The following B9D1 variants were observed in gnomAD, a reference collection of about 807,000 sequenced individuals.
B9D1 encodes B9 domain containing 1, also known as B9 domain-containing protein 1.
B9D1 carries 20 observed loss-of-function variants against 26.1 expected under a neutral mutation model. The ratio of observed to expected loss-of-function variants is 0.77; its 90% confidence interval spans 0.54 to 1.12. The LOEUF (loss-of-function observed/expected upper bound fraction) is 1.12, where lower values mean the gene tolerates loss of function less well. Among genes scored for constraint, B9D1 ranks in the 50% most tolerant of loss-of-function variants. The probability of loss-of-function intolerance (pLI) is 0.00; values close to 1 mark genes in which losing one functional copy is unlikely to be tolerated. For synonymous variants in B9D1, 105 were observed against 103.1 expected, an observed-to-expected ratio of 1.02 and a Z score of -0.11; for missense variants, 260 against 273.7, an observed-to-expected ratio of 0.95 and a Z score of 0.35.
downstream of B9D1, among the ~76,000 whole-genome samples, chr17:19,339,892 GTCT>G (rs1907758476): frequency 6.6e-6 from 1 of 152,294 alleles, no homozygotes; most frequent in East Asian, 1.9e-4. Context: ...AGGAAATGTA[GTCT>G]TCTGGTGTGC....
At chr17:19,338,331 G>A (rs1907629241), downstream of B9D1, among the ~76,000 whole-genome samples, 2 of 152,340 alleles carry the variant, frequency 1.3e-5, no homozygotes, top group South Asian at 4.1e-4. Context: ...TGCAGCTCTT[G>A]GGCCAAGCTC....
chr17:19,337,314 G>A (rs1299562112), downstream of B9D1, among the ~76,000 whole-genome samples: 1 of 152,224 alleles, frequency 6.6e-6, no homozygotes, highest in East Asian at 1.9e-4. Context: ...GGGAGGACAC[G>A]TGCATCTCCA....
rs1048457473 is a variant in B9D1 at position 19,361,042 on chromosome 17, G to A, written c.64-654C>T. Among the ~76,000 whole-genome samples the A allele has an allele frequency of 6.2e-4, 95 of 152,088 alleles. 1 individual carries two copies. The highest frequency in any genetic ancestry group is 2.6e-4 in the Admixed American group (4 of 15,264). On this transcript the variant is annotated intron_variant, in intron 1 of 6. Transcript: ENST00000261499. Reference sequence around the variant, plus strand: ...TCAGTGGCGGCATTAGATTCTCATAGGAGCACGAACCCTACTGTGAACTGC... The same window carrying A: ...TCAGTGGCGGCATTAGATTCTCATAAGAGCACGAACCCTACTGTGAACTGC...
At chr17:19,348,138 C>T (rs1909109545) in intron 3 of B9D1, among the ~76,000 whole-genome samples, 1 of 152,112 alleles carries the variant, frequency 6.6e-6, no homozygotes, top group African/African-American at 2.4e-5. Flanking sequence ...GAGTCAGTGC[C>T]CACTCAGTCA....
chr17:19,343,610 C>T, intron 6 of B9D1, 149 bp from the exon 7 acceptor site: 2 of 1,571,914 alleles, frequency 1.3e-6, no homozygotes, highest in Non-Finnish European at 1.7e-6. Flanking sequence ...AAAGGGGCTG[C>T]CGGGACAGGC....
chr17:19,344,490 G>A (rs771854270), intron 5 of B9D1: 11 of 278,070 alleles, frequency 4.0e-5, no homozygotes, highest in Non-Finnish European at 5.9e-5. Flanking sequence ...CCAGGAGGCC[G>A]GGGGTGTCAG....
chr17:19,344,411 C>T (rs985817934), intron 5 of B9D1: 4 of 227,862 alleles, frequency 1.8e-5, no homozygotes, highest in South Asian at 1.3e-4. Flanking sequence ...CTGCCAGGGG[C>T]GGCACACAGC....
At chr17:19,361,506 G>C (rs920547499) in intron 1 of B9D1, among the ~76,000 whole-genome samples, 15 of 152,084 alleles carry the variant, frequency 9.9e-5, no homozygotes, top group African/African-American at 3.6e-4. Flanking sequence ...TGTGGCGGGG[G>C]GGTCGCTGAT....
chr17:19,357,343 C>A (rs1910482589), intron 3 of B9D1, among the ~76,000 whole-genome samples: 1 of 152,222 alleles, frequency 6.6e-6, no homozygotes, highest in Non-Finnish European at 1.5e-5. Context: ...TAAGCAATGC[C>A]AGCCAGGAAG....
upstream of B9D1, among the ~76,000 whole-genome samples, chr17:19,366,520 C>T (rs1391228213): frequency 6.6e-6 from 1 of 152,124 alleles, no homozygotes; most frequent in Non-Finnish European, 1.5e-5. Context: ...ACAGTGACCC[C>T]CCAGACCAGT....
downstream of B9D1, chr17:19,335,213 G>A: frequency 2.3e-6 from 1 of 439,366 alleles, no homozygotes; most frequent in South Asian, 7.5e-5. Flanking sequence ...CTAGCCTCCA[G>A]TTGCCTTTTC....
chr17:19,361,049 G>T (rs552735400), intron 1 of B9D1, among the ~76,000 whole-genome samples: 1 of 152,152 alleles, frequency 6.6e-6, no homozygotes, highest in South Asian at 2.1e-4. Flanking sequence ...ATAGGAGCAC[G>T]AACCCTACTG....
upstream of B9D1, among the ~76,000 whole-genome samples, chr17:19,366,024 G>A (rs1827615358): frequency 2.6e-5 from 4 of 151,784 alleles, no homozygotes; most frequent in Non-Finnish European, 5.9e-5. Context: ...GAACTCCTAT[G>A]TAGCCTTCAG....
chr17:19,342,384 C>T (rs1908070312), downstream of B9D1, among the ~76,000 whole-genome samples: 1 of 152,092 alleles, frequency 6.6e-6, no homozygotes, highest in South Asian at 2.1e-4. Flanking sequence ...CAGTCCAGGG[C>T]AACATGGGCG....
intron 5 of B9D1, among the ~76,000 whole-genome samples, chr17:19,346,362 G>A (rs1033790531): frequency 6.6e-6 from 1 of 152,228 alleles, no homozygotes; most frequent in Non-Finnish European, 1.5e-5. Context: ...CCCTGGGCGC[G>A]ATGCTGTCCC....
rs998495996 is a variant in B9D1, at chr17:19,372,619, G to A, written c.-298+5240C>T. ...CTCCCCAGGGCCGGCCCCCCATCTC[G>A]GTGCCTGTCACAGATTTCCCTCATC... On this transcript the variant is annotated intron_variant, in intron 1 of 5. Transcript: ENST00000477478. This position sits in a 1 kb window ranked among gnomAD's most constrained non-coding sequence, Gnocchi z 4.4. 1.3e-5 allele frequency among the ~76,000 whole-genome samples: 2 copies of A among 152,146 alleles called. No individual in the cohort carries two copies. Among genetic ancestry groups the A allele is most frequent in the Non-Finnish European group, 2.9e-5 (2 of 68,022 alleles).
At position 19,343,871 on chromosome 17, in the gene B9D1, A is replaced by G. The variant is rs1266990397; in HGVS notation, c.405-14T>C. ...CCCATGAACCAGCTGGGAACACAGAAGAACACAGGTGAGCAGGGCCCCACC... is the reference window on the plus strand; with the variant it reads ...CCCATGAACCAGCTGGGAACACAGAGGAACACAGGTGAGCAGGGCCCCACC... On this transcript the variant is annotated splice_polypyrimidine_tract_variant and intron_variant, in intron 5 of 6. Transcript: ENST00000261499. 6.2e-7 allele frequency: 1 copy of G among 1,613,726 alleles called. No homozygotes were observed. The highest frequency in any genetic ancestry group is 1.3e-5 in the African/African-American group (1 of 74,910).
chr17:19,352,760 A>G (rs1909794420), intron 3 of B9D1, among the ~76,000 whole-genome samples: 1 of 151,698 alleles, frequency 6.6e-6, no homozygotes, highest in South Asian at 2.1e-4. Flanking sequence ...ACCTCAGGGG[A>G]TCCGCCCGCC....
chr17:19,337,777 A>G, downstream of B9D1: 1 of 1,500,462 alleles, frequency 6.7e-7, no homozygotes, highest in Non-Finnish European at 9.0e-7. Flanking sequence ...ACAAGGGTCA[A>G]GCATAGATTT....
Sources: allele counts gnomAD v4.1 joint callset (sites outside exome capture counted in the v4.1 genomes callset), GRCh38; gene constraint gnomAD v4.1.1; non-coding constraint Gnocchi (gnomAD v3.1); transcripts MANE v1.5; gene names NCBI Gene and HGNC (gene_info 2026-07-23, HGNC 2026-07-21).